The following GRID2 variants were observed in gnomAD, a reference collection of about 807,000 sequenced individuals.
GRID2 encodes glutamate receptor ionotropic, delta-2.
Under a neutral mutation model 114.8 loss-of-function variants are expected in GRID2, and 33 were observed. That is an observed-to-expected ratio of 0.29 (90% confidence interval 0.22 to 0.38). The LOEUF (loss-of-function observed/expected upper bound fraction) is 0.38, where lower values mean the gene tolerates loss of function less well. GRID2 is among the 10% of genes least tolerant of loss of function. The pLI is 1.00. For missense variants in GRID2, 1,184 were observed against 1,257.7 expected, an observed-to-expected ratio of 0.94 and a Z score of 0.89; for synonymous variants, 505 against 449.9, an observed-to-expected ratio of 1.12 and a Z score of -1.55.
intron 2 of GRID2, among the ~76,000 whole-genome samples, chr4:93,009,989 T>C (rs946838433): frequency 4.6e-5 from 7 of 152,016 alleles, no homozygotes; most frequent in South Asian, 2.1e-4. Context: ...TTAATTATGA[T>C]AATACTGCTA....
intron 2 of GRID2, among the ~76,000 whole-genome samples, chr4:92,961,713 C>T (rs1287813364): frequency 1.3e-5 from 2 of 151,406 alleles, no homozygotes; most frequent in Non-Finnish European, 2.9e-5. Context: ...TGGTGTCAGA[C>T]ATAACTTGAA....
intron 14 of GRID2, among the ~76,000 whole-genome samples, chr4:93,676,860 G>A (rs1179382582): frequency 7.9e-5 from 12 of 152,134 alleles, no homozygotes; most frequent in Admixed American, 5.2e-4. Flanking sequence ...TGCAGAAGAC[G>A]GGTGATTTCT....
intron 2 of GRID2, among the ~76,000 whole-genome samples, chr4:93,007,417 G>C (rs1040779171): frequency 2.0e-5 from 3 of 152,062 alleles, no homozygotes; most frequent in Non-Finnish European, 2.9e-5. Flanking sequence ...TTAGGTTGTC[G>C]TGAGAAATCT....
At chr4:92,583,183 C>T (rs1441695922) in intron 1 of GRID2, among the ~76,000 whole-genome samples, 1 of 151,848 alleles carries the variant, frequency 6.6e-6, no homozygotes, top group African/African-American at 2.4e-5. Context: ...GTTTCATTTC[C>T]CTCAAAGGGT....
chr4:93,585,796 A>C (rs997250100), intron 13 of GRID2, among the ~76,000 whole-genome samples: 1 of 152,130 alleles, frequency 6.6e-6, no homozygotes, highest in Non-Finnish European at 1.5e-5. Context: ...TACAAAAAAA[A>C]TGAAATCTAT....
At chr4:93,064,653 T>C (rs1172343685) in intron 2 of GRID2, among the ~76,000 whole-genome samples, 1 of 151,906 alleles carries the variant, frequency 6.6e-6, no homozygotes, top group African/African-American at 2.4e-5. Flanking sequence ...AGATTGGGTT[T>C]AACCAAATTT....
At chr4:92,857,139 C>T (rs920879695) in intron 2 of GRID2, among the ~76,000 whole-genome samples, 21 of 152,166 alleles carry the variant, frequency 1.4e-4, no homozygotes, top group Admixed American at 1.4e-3. Context: ...CCATTCCCCT[C>T]CCGCTCCTCA....
At chr4:93,280,494 T>C (rs374447863) in intron 8 of GRID2, among the ~76,000 whole-genome samples, 1 of 152,048 alleles carries the variant, frequency 6.6e-6, no homozygotes, top group East Asian at 1.9e-4. Flanking sequence ...AAATGGTGAA[T>C]TTAATATTAA....
In GRID2 at chr4:93,207,472, A is replaced by G; in HGVS notation, c.789+15A>G. The stretch of plus-strand genomic sequence containing the variant: ...TTATAAATGAGGTAAAGCCAACTAA[A>G]CCTTATTGTTAACTCTGTGTCCTTT... On this transcript the variant is annotated intron_variant, in intron 5 of 15. Coordinates refer to ENST00000282020, the MANE Select transcript of GRID2 (RefSeq NM_001510.4). 6.6e-7 allele frequency: 1 copy of G among 1,520,006 alleles called. No individual in the cohort carries two copies. The highest frequency in any genetic ancestry group is 9.1e-7 in the Non-Finnish European group (1 of 1,096,668). 94.2% of individuals were successfully genotyped at this position (1,520,006 alleles called of 1,614,324 possible). A position where few individuals can be genotyped will look rare whatever the true frequency, so the allele number is the denominator to read the frequency against.
chr4:93,550,886 A>G (rs368110020), intron 13 of GRID2, among the ~76,000 whole-genome samples: 27 of 152,170 alleles, frequency 1.8e-4, no homozygotes, highest in South Asian at 1.0e-3. Context: ...TTTTGTATTT[A>G]GTCATCCAGT....
chr4:92,495,381 T>A (rs1248369434), intron 1 of GRID2, among the ~76,000 whole-genome samples: 2 of 151,900 alleles, frequency 1.3e-5, no homozygotes, highest in African/African-American at 2.4e-5. Flanking sequence ...TGTTATACAA[T>A]GAAGAAATAA....
At chr4:92,387,657 T>C (rs772960544) in intron 1 of GRID2, among the ~76,000 whole-genome samples, 2 of 151,998 alleles carry the variant, frequency 1.3e-5, no homozygotes, top group Non-Finnish European at 2.9e-5. Context: ...TAAGTGGCTC[T>C]GGAAAGCTCC....
chr4:92,924,933 C>T (rs1251622671), intron 2 of GRID2, among the ~76,000 whole-genome samples: 1 of 152,062 alleles, frequency 6.6e-6, no homozygotes, highest in Admixed American at 6.6e-5. Context: ...TTCTGACCTG[C>T]TTTTCTTAGT....
intron 2 of GRID2, among the ~76,000 whole-genome samples, chr4:92,791,479 T>C (rs1739589235): frequency 6.6e-6 from 1 of 151,894 alleles, no homozygotes. Context: ...AGAATTGTCA[T>C]CTAAATTTCA....
intron 14 of GRID2, among the ~76,000 whole-genome samples, chr4:93,735,589 A>G (rs1045180421): frequency 3.3e-5 from 5 of 152,046 alleles, no homozygotes; most frequent in African/African-American, 1.2e-4. Context: ...TTCTTTACAA[A>G]AATGATGGAA....
chr4:93,559,935 A>G (rs1358096323), intron 13 of GRID2, among the ~76,000 whole-genome samples: 1 of 152,074 alleles, frequency 6.6e-6, no homozygotes, highest in Non-Finnish European at 1.5e-5. Context: ...GCAGGGACAT[A>G]GATGAAGCTG....
At chr4:92,418,240 T>A (rs11942220) in intron 1 of GRID2, among the ~76,000 whole-genome samples, 14 of 152,030 alleles carry the variant, frequency 9.2e-5, no homozygotes, top group Admixed American at 8.5e-4. Context: ...CCACACTCTA[T>A]GGCTGGAATG....
chr4:92,336,847 A>G (rs1158726135), intron 1 of GRID2, among the ~76,000 whole-genome samples: 1 of 151,092 alleles, frequency 6.6e-6, no homozygotes, highest in Non-Finnish European at 1.5e-5. Flanking sequence ...CTATATCTAG[A>G]TGACTCTTGA....
chr4:92,383,721 C>T (rs951460884), intron 1 of GRID2, among the ~76,000 whole-genome samples: 2 of 151,914 alleles, frequency 1.3e-5, no homozygotes, highest in African/African-American at 4.8e-5. Flanking sequence ...TCCAATGATG[C>T]TGGATTTACT....
Sources: gnomAD v4.1 joint callset for allele counts (sites outside exome capture counted in the v4.1 genomes callset) on GRCh38, gnomAD v4.1.1 for gene constraint, MANE v1.5 for transcripts, NCBI Gene and HGNC (gene_info 2026-07-23, HGNC 2026-07-21) for gene names.